COLEC10: variants seen among roughly 807,000 people sequenced by gnomAD.
The protein encoded by COLEC10 is collectin subfamily member 10.
A neutral mutation model predicts 28.4 loss-of-function variants in COLEC10; 22 were observed. The ratio of observed to expected loss-of-function variants is 0.78; its 90% CI spans 0.55 to 1.11. The LOEUF is 1.11. Ranked by LOEUF, COLEC10 falls within the 50% of genes least tolerant of loss-of-function variation. The pLI, the probability that COLEC10 is intolerant of heterozygous loss-of-function variation, is 0.00. For synonymous variants in COLEC10, 125 were observed against 116.1 expected (o/e 1.08, Z -0.49); for missense variants, 361 against 344.1 (o/e 1.05, Z -0.39).
chr8:119,069,921 G>A (rs1394360320), intron 1 of COLEC10, among the ~76,000 whole-genome samples: 1 of 151,882 alleles, frequency 6.6e-6, no homozygotes, highest in African/African-American at 2.4e-5. Flanking sequence ...GTGCTCAGAA[G>A]TTTCTAGATA....
At chr8:118,959,598 T>C in the COLEC10 span, among the ~76,000 whole-genome samples, 1 of 152,074 alleles carries the variant, frequency 6.6e-6, no homozygotes, top group Non-Finnish European at 1.5e-5. Flanking sequence ...TACTTGAGAG[T>C]GATTGTACCT....
intron 1 of COLEC10, among the ~76,000 whole-genome samples, chr8:119,008,705 C>A (rs1446144534): frequency 6.6e-6 from 1 of 150,680 alleles, no homozygotes; most frequent in African/African-American, 2.5e-5. Flanking sequence ...GATAACTCAT[C>A]CTGGCCATGC....
chr8:119,089,781 TA>T (rs1339165496), intron 2 of COLEC10, 30 bp downstream of exon 2: 1 of 1,565,252 alleles, frequency 6.4e-7, no homozygotes, highest in African/African-American at 1.4e-5. Context: ...ACTGACATTT[TA>T]ATATCATAAT....
intron 2 of COLEC10, among the ~76,000 whole-genome samples, chr8:119,090,725 C>T (rs1368308752): frequency 6.6e-6 from 1 of 152,050 alleles, no homozygotes; most frequent in Non-Finnish European, 1.5e-5. Flanking sequence ...ATGTTCCCCG[C>T]CCTGTTTTTA....
the COLEC10 span, among the ~76,000 whole-genome samples, chr8:118,955,462 T>C: frequency 3.9e-5 from 6 of 152,208 alleles, no homozygotes; most frequent in Non-Finnish European, 8.8e-5. Context: ...AAGTAGTTGC[T>C]ACTTATGGTT....
At chr8:119,064,986 G>C (rs557516344), upstream of COLEC10, among the ~76,000 whole-genome samples, 2 of 152,128 alleles carry the variant, frequency 1.3e-5, no homozygotes, top group Non-Finnish European at 2.9e-5. Flanking sequence ...TATTCAATCA[G>C]TGCTAGTTTC....
chr8:119,060,519 C>A (rs553953428), intron 2 of COLEC10, among the ~76,000 whole-genome samples: 1 of 152,032 alleles, frequency 6.6e-6, no homozygotes, highest in African/African-American at 2.4e-5. Flanking sequence ...GATTTTAACC[C>A]GTGGACATCT....
upstream of COLEC10, among the ~76,000 whole-genome samples, chr8:119,065,744 G>C (rs1359587296): frequency 6.6e-6 from 1 of 151,532 alleles, no homozygotes; most frequent in Non-Finnish European, 1.5e-5. Context: ...TGTAATCTCA[G>C]CTACTCAGGA....
intron 1 of COLEC10, among the ~76,000 whole-genome samples, chr8:119,085,425 T>G (rs1815454679): frequency 6.6e-6 from 1 of 152,092 alleles, no homozygotes; most frequent in Non-Finnish European, 1.5e-5. Flanking sequence ...GCATAATTGA[T>G]GACTACTGAA....
intron 2 of COLEC10, among the ~76,000 whole-genome samples, chr8:119,058,239 T>C (rs1814796321): frequency 1.3e-5 from 2 of 152,040 alleles, no homozygotes; most frequent in Non-Finnish European, 2.9e-5. Context: ...GTTTTCATGA[T>C]AGGTTTGAGG....
intron 2 of COLEC10, among the ~76,000 whole-genome samples, chr8:119,090,052 A>G (rs1815558078): frequency 1.3e-5 from 2 of 151,976 alleles, no homozygotes; most frequent in African/African-American, 4.8e-5. Flanking sequence ...TGCTGTGTTC[A>G]TAGCTGTGTC....
At chr8:119,095,090 T>C (rs538743977) in intron 3 of COLEC10, among the ~76,000 whole-genome samples, 2 of 152,356 alleles carry the variant, frequency 1.3e-5, no homozygotes, top group African/African-American at 4.8e-5. Context: ...GCATACCTAG[T>C]ACAAAATAAT....
At chr8:118,975,322 G>A in the COLEC10 span, among the ~76,000 whole-genome samples, 1 of 151,978 alleles carries the variant, frequency 6.6e-6, no homozygotes, top group South Asian at 2.1e-4. Context: ...TTGTGTTAAA[G>A]TGCAAACTTA....
At chr8:119,040,706 G>C (rs1432923115) in intron 2 of COLEC10, among the ~76,000 whole-genome samples, 3 of 152,202 alleles carry the variant, frequency 2.0e-5, no homozygotes, top group Admixed American at 6.5e-5. Context: ...ACCATTTACA[G>C]ACAGATGTGG....
the COLEC10 span, among the ~76,000 whole-genome samples, chr8:118,958,828 T>C: frequency 6.6e-6 from 1 of 152,238 alleles, no homozygotes; most frequent in African/African-American, 2.4e-5. Context: ...ATGAGGGTTA[T>C]ATAAATGAGG....
At chr8:119,069,649 T>A (rs1486556539) in intron 1 of COLEC10, among the ~76,000 whole-genome samples, 93 of 106,424 alleles carry the variant, frequency 8.7e-4, no homozygotes, top group Non-Finnish European at 1.4e-3. Flanking sequence ...TATATATATA[T>A]ATATATATAT....
At chr8:119,071,664 T>C (rs148171575) in intron 1 of COLEC10, among the ~76,000 whole-genome samples, 3 of 152,294 alleles carry the variant, frequency 2.0e-5, no homozygotes, top group African/African-American at 7.2e-5. Flanking sequence ...TGTGTATTGA[T>C]GCATGTAGAA....
Position 119,049,401 on chromosome 8 carries a change from C to CTT in COLEC10, n.235+39878_235+39879dup, listed in dbSNP as rs34885340. Reference sequence around the variant, plus strand: ...TGATGAAGCATAGGTATTTTCTTTTCTTTTTTTTTTTTTTTTTTTTTTTTT... The same window carrying CTT: ...TGATGAAGCATAGGTATTTTCTTTTCTTTTTTTTTTTTTTTTTTTTTTTTTTT... On this transcript the variant is annotated intron_variant and non_coding_transcript_variant, in intron 2 of 6. Coordinates refer to the COLEC10 transcript ENST00000521788. 7.9e-3 allele frequency among the ~76,000 whole-genome samples: 476 copies of CTT among 60,038 alleles called. 59 individuals are homozygous for CTT. Among genetic ancestry groups the CTT allele is most frequent in the African/African-American group, 0.02 (279 of 13,624 alleles). 39.4% of individuals were successfully genotyped at this position (60,038 alleles called of 152,430 possible).
At chr8:118,952,667 G>A in the COLEC10 span, among the ~76,000 whole-genome samples, 1 of 152,162 alleles carries the variant, frequency 6.6e-6, no homozygotes, top group Non-Finnish European at 1.5e-5. Context: ...ATAACCTTGC[G>A]GAGCACTGTT....
Sources: gnomAD v4.1 joint callset for allele counts (sites outside exome capture counted in the v4.1 genomes callset) on GRCh38, gnomAD v4.1.1 for gene constraint, MANE v1.5 for transcripts, NCBI Gene and HGNC (gene_info 2026-07-23, HGNC 2026-07-21) for gene names.